The following NT5C2 variants were observed in gnomAD, a reference collection of about 807,000 sequenced individuals.
NT5C2 encodes the protein cytosolic purine 5'-nucleotidase.
A neutral mutation model predicts 76.1 loss-of-function variants in NT5C2; 58 were observed. The ratio of observed to expected loss-of-function variants is 0.76; its 90% CI spans 0.62 to 0.95. The LOEUF (loss-of-function observed/expected upper bound fraction) is 0.95, where lower values mean the gene tolerates loss of function less well. NT5C2 is among the 40% of genes least tolerant of loss of function. NT5C2 has a pLI of 0.00. For synonymous variants in NT5C2, 229 were observed against 237.4 expected (o/e 0.96, Z 0.32); for missense variants, 478 against 690.3 (o/e 0.69, Z 3.45).
intron 4 of NT5C2, among the ~76,000 whole-genome samples, chr10:103,125,951 G>A (rs746439669): frequency 1.3e-5 from 2 of 152,190 alleles, no homozygotes; most frequent in African/African-American, 4.8e-5. Flanking sequence ...CAGGTCCAAA[G>A]ACCTAATCTT....
intron 17 of NT5C2, 61 bp from the exon 18 acceptor site, chr10:103,090,848 T>G: frequency 6.3e-7 from 1 of 1,595,870 alleles, no homozygotes; most frequent in African/African-American, 1.3e-5. Flanking sequence ...GAGCAGTAGT[T>G]GAATGCTAGT....
At chr10:103,113,749 A>G (rs2073637829) in intron 4 of NT5C2, among the ~76,000 whole-genome samples, 1 of 152,250 alleles carries the variant, frequency 6.6e-6, no homozygotes, top group African/African-American at 2.4e-5. Context: ...CTAAGAAAGT[A>G]TAGAGAGACA....
At chr10:103,180,778 T>C (rs2090913540) in intron 2 of NT5C2, among the ~76,000 whole-genome samples, 1 of 151,802 alleles carries the variant, frequency 6.6e-6, no homozygotes, top group South Asian at 2.1e-4. Flanking sequence ...GGCCAGAAAC[T>C]ACAAACAACC....
intron 6 of NT5C2, chr10:103,105,394 G>T: frequency 1.1e-6 from 1 of 945,642 alleles, no homozygotes; most frequent in Admixed American, 3.6e-5. Context: ...GTATTAGAAA[G>T]AAGAAAATAA....
chr10:103,144,828 T>C (rs972508693), intron 3 of NT5C2, among the ~76,000 whole-genome samples: 1 of 152,236 alleles, frequency 6.6e-6, no homozygotes, highest in African/African-American at 2.4e-5. Flanking sequence ...TTAGGAAATA[T>C]GATGTTTTCC....
chr10:103,120,965 AAAGT>A (rs2075537720), intron 4 of NT5C2, among the ~76,000 whole-genome samples: 1 of 152,248 alleles, frequency 6.6e-6, no homozygotes, highest in South Asian at 2.1e-4. Flanking sequence ...TCAGTCTCAA[AAAGT>A]AATATATGCT....
intron 2 of NT5C2, chr10:103,176,051 G>T (rs537431265): frequency 5.6e-6 from 1 of 179,222 alleles, no homozygotes; most frequent in East Asian, 1.4e-4. Context: ...CACTCCCTTG[G>T]GGCAGAGAGT....
intron 2 of NT5C2, among the ~76,000 whole-genome samples, chr10:103,179,214 T>C (rs1399399523): frequency 6.6e-6 from 1 of 152,084 alleles, no homozygotes; most frequent in African/African-American, 2.4e-5. Context: ...TCCAAAGTGC[T>C]GGGATTACAG....
At chr10:103,095,510 C>T (rs72843999) in intron 12 of NT5C2, among the ~76,000 whole-genome samples, 5,341 of 152,328 alleles carry the variant, frequency 0.035, 135 homozygotes, top group Non-Finnish European at 0.052. Flanking sequence ...TGAGTGCTCT[C>T]TTGGCAAAAA....
At chr10:103,167,614 AAAAT>A (rs2086722990) in intron 3 of NT5C2, among the ~76,000 whole-genome samples, 1 of 152,108 alleles carries the variant, frequency 6.6e-6, no homozygotes, top group South Asian at 2.1e-4. Context: ...TTTAAAAAAA[AAAAT>A]AAAGATTTCC....
At chr10:103,146,288 C>G (rs1030708165) in intron 3 of NT5C2, 1 of 985,288 alleles carries the variant, frequency 1.0e-6, no homozygotes, top group Non-Finnish European at 1.2e-6. Flanking sequence ...AATAGAATTT[C>G]TTTGGCAATG....
chr10:103,140,625 T>C (rs992836884), intron 3 of NT5C2, among the ~76,000 whole-genome samples: 9 of 152,220 alleles, frequency 5.9e-5, no homozygotes, highest in Admixed American at 4.6e-4. Flanking sequence ...TTTTCCACGG[T>C]GGCTGCATCA....
At chr10:103,178,317 G>A (rs1360624948) in intron 2 of NT5C2, among the ~76,000 whole-genome samples, 1 of 152,202 alleles carries the variant, frequency 6.6e-6, no homozygotes, top group African/African-American at 2.4e-5. Context: ...GGAGGCCAAA[G>A]TGGGTGGATC....
intron 6 of NT5C2, among the ~76,000 whole-genome samples, chr10:103,103,619 A>G (rs957351494): frequency 2.0e-5 from 3 of 152,170 alleles, no homozygotes; most frequent in Non-Finnish European, 4.4e-5. Context: ...GGGAGGTAAT[A>G]TATCATAAAA....
At chr10:103,173,534 G>A (rs920892328) in intron 3 of NT5C2, among the ~76,000 whole-genome samples, 12 of 149,188 alleles carry the variant, frequency 8.0e-5, no homozygotes, top group African/African-American at 2.5e-4. Context: ...GGAGAATGGC[G>A]TGGACCCGGG....
intron 3 of NT5C2, among the ~76,000 whole-genome samples, chr10:103,161,983 T>C (rs149013615): frequency 6.6e-6 from 1 of 152,278 alleles, no homozygotes; most frequent in East Asian, 1.9e-4. Flanking sequence ...CACTGAATAA[T>C]ATACTTCTAT....
At chr10:103,172,602 G>C (rs937082219) in intron 3 of NT5C2, among the ~76,000 whole-genome samples, 1 of 152,082 alleles carries the variant, frequency 6.6e-6, no homozygotes, top group African/African-American at 2.4e-5. Context: ...TTGGGAGGCT[G>C]AGGCGGGTGG....
chr10:103,096,357 C>A (rs1035592339), intron 11 of NT5C2, among the ~76,000 whole-genome samples: 2 of 152,188 alleles, frequency 1.3e-5, no homozygotes, highest in Admixed American at 6.5e-5. Flanking sequence ...AACAAACCAA[C>A]GGTTTATGTA....
At chr10:103,095,865 C>G (rs1162418460) in intron 12 of NT5C2, 74 bp downstream of exon 12, 1 of 1,359,856 alleles carries the variant, frequency 7.4e-7, no homozygotes, top group Non-Finnish European at 1.0e-6. Context: ...CAATTCTTTC[C>G]CCCTTAATAT....
Sources: gnomAD v4.1 joint callset for allele counts (sites outside exome capture counted in the v4.1 genomes callset) on GRCh38, gnomAD v4.1.1 for gene constraint, MANE v1.5 for transcripts, NCBI Gene and HGNC (gene_info 2026-07-23, HGNC 2026-07-21) for gene names.